The following SLIT1 variants were observed in gnomAD, a reference collection of about 807,000 sequenced individuals.
SLIT1 encodes slit homolog 1 protein.
A neutral mutation model predicts 186.1 loss-of-function variants in SLIT1; 66 were observed. That is an observed-to-expected ratio of 0.35 (90% confidence interval 0.29 to 0.44). SLIT1 has a LOEUF of 0.44. Ranked by LOEUF, SLIT1 falls within the 20% of genes least tolerant of loss-of-function variation. The probability of loss-of-function intolerance (pLI) is 1.00; values close to 1 mark genes in which losing one functional copy is unlikely to be tolerated. For synonymous variants in SLIT1, 761 were observed against 833.8 expected, an observed-to-expected ratio of 0.91 and a Z score of 1.50; for missense variants, 1,638 against 2,037.4, an observed-to-expected ratio of 0.80 and a Z score of 3.77.
intron 4 of SLIT1, among the ~76,000 whole-genome samples, chr10:97,149,478 C>T (rs1214916820): frequency 6.6e-6 from 1 of 152,160 alleles, no homozygotes; most frequent in African/African-American, 2.4e-5. Flanking sequence ...GGGGCAGAAG[C>T]AAAGAGGAGC....
At chr10:97,093,022 C>T (rs557535945) in intron 4 of SLIT1, among the ~76,000 whole-genome samples, 2 of 152,334 alleles carry the variant, frequency 1.3e-5, no homozygotes, top group East Asian at 3.9e-4. Flanking sequence ...ACAACCTGGA[C>T]CAGGTCTGCC....
chr10:97,159,971 G>A (rs1400245990), intron 3 of SLIT1, among the ~76,000 whole-genome samples: 1 of 152,162 alleles, frequency 6.6e-6, no homozygotes, highest in Non-Finnish European at 1.5e-5. Flanking sequence ...GTACCAAGAG[G>A]TAAGTGACTC....
At chr10:97,088,838 C>A (rs185696986) in intron 4 of SLIT1, among the ~76,000 whole-genome samples, 6 of 152,326 alleles carry the variant, frequency 3.9e-5, no homozygotes, top group Admixed American at 3.3e-4. Context: ...TCTGCCACAC[C>A]TTTTGGTGAC....
chr10:97,148,656 T>C (rs1849842798), intron 4 of SLIT1, among the ~76,000 whole-genome samples: 1 of 152,200 alleles, frequency 6.6e-6, no homozygotes, highest in African/African-American at 2.4e-5. Context: ...CTAAATCCCT[T>C]ATCTCCTATC....
At chr10:97,065,968 T>TGGCCCTGGAGC (rs1564666493) in intron 5 of SLIT1, 47 bp downstream of exon 5, 3 of 1,367,066 alleles carry the variant, frequency 2.2e-6, no homozygotes, top group Non-Finnish European at 3.1e-6. Flanking sequence ...CTGCCAGGAG[T>TGGCCCTGGAGC]GGCCCTGGAG....
chr10:97,143,035 A>C (rs897788739), intron 4 of SLIT1, among the ~76,000 whole-genome samples: 1 of 152,218 alleles, frequency 6.6e-6, no homozygotes, highest in Non-Finnish European at 1.5e-5. Flanking sequence ...TGATGGTGGG[A>C]ATGTGAAATG....
chr10:97,060,039 T>C, intron 10 of SLIT1, 48 bp downstream of exon 10: 1 of 1,504,272 alleles, frequency 6.6e-7, no homozygotes, highest in Non-Finnish European at 9.3e-7. Context: ...ACCCAGGATC[T>C]CCGTCAGCCC....
chr10:97,087,953 G>A (rs1296422626), intron 4 of SLIT1, among the ~76,000 whole-genome samples: 1 of 151,978 alleles, frequency 6.6e-6, no homozygotes, highest in Non-Finnish European at 1.5e-5. Context: ...ATGCAGAATC[G>A]CACCCAGCCC....
At chr10:97,062,688 C>A (rs1282304543) in intron 8 of SLIT1, among the ~76,000 whole-genome samples, 1 of 152,190 alleles carries the variant, frequency 6.6e-6, no homozygotes, top group African/African-American at 2.4e-5. Context: ...GGGGCAGAGG[C>A]AGGCCAGGCA....
chr10:97,078,938 G>A (rs989348698), intron 4 of SLIT1, among the ~76,000 whole-genome samples: 2 of 152,210 alleles, frequency 1.3e-5, no homozygotes, highest in Non-Finnish European at 2.9e-5. Context: ...TAGGACCAGC[G>A]ACTTCAGAAG....
chr10:97,141,988 A>C (rs573063331), intron 4 of SLIT1, among the ~76,000 whole-genome samples: 3 of 152,002 alleles, frequency 2.0e-5, no homozygotes, highest in Non-Finnish European at 4.4e-5. Context: ...TTATAGAGTA[A>C]GGGTCTCACT....
rs779691964 is a variant in SLIT1, at chr10:97,047,790, C to T, written c.1534G>A (p.Val512Ile). The change falls in exon 16 of 37, where the codon GTC becomes ATC. Residue 512 changes from valine (V) to isoleucine (I), a missense_variant. This residue lies in a region of SLIT1 where 1,245 missense variants were observed against 1,535.3 expected (regional missense o/e 0.81). Transcript: ENST00000266058. Reference protein sequence around the residue: ...QLNSECNSDVVCPHKCRCEAN... With the variant: ...QLNSECNSDVICPHKCRCEAN... Reference sequence around the variant, plus strand: ...TCACAGCGGCACTTGTGGGGACAGACCACGTCGCTGTTGCACTCGCTGTTC... The same window carrying T: ...TCACAGCGGCACTTGTGGGGACAGATCACGTCGCTGTTGCACTCGCTGTTC... 31 of 1,613,986 alleles carry T rather than the reference C, an allele frequency of 1.9e-5. No homozygotes were observed. The South Asian group carries it at 3.3e-4, about 17-fold the overall frequency.
chr10:97,167,678 C>T (rs1850138122), intron 1 of SLIT1, among the ~76,000 whole-genome samples: 1 of 152,168 alleles, frequency 6.6e-6, no homozygotes, highest in Non-Finnish European at 1.5e-5. Flanking sequence ...GCTGTGTACC[C>T]ACCTAAATCT....
chr10:97,050,013 G>A lies in SLIT1; in HGVS notation c.1302-895C>T, dbSNP rs902674648. 2.0e-5 allele frequency among the ~76,000 whole-genome samples: 3 copies of A among 152,198 alleles called. No individual in the cohort carries two copies. The East Asian group carries it at 5.8e-4, about 29-fold the overall frequency. ...TGCCCTGCTCATGGCTGTACAAACC[G>A]AGGCAGCCTGGGAAGAGCATTCCTA... On this transcript the variant is annotated intron_variant, in intron 13 of 36. Transcript: ENST00000266058.
chr10:97,017,327 TG>T (rs1195019861), intron 28 of SLIT1, among the ~76,000 whole-genome samples: 2 of 152,254 alleles, frequency 1.3e-5, no homozygotes, highest in Admixed American at 1.3e-4. Context: ...AATTTGGGTA[TG>T]CAGAGGCAGG....
rs1406012325 is a variant in SLIT1, at chr10:97,021,904, A to G, written c.2583-491T>C. Among the ~76,000 whole-genome samples the G allele has an allele frequency of 1.3e-5, 2 of 152,178 alleles. No individual in the cohort carries two copies. Among genetic ancestry groups the G allele is most frequent in the African/African-American group, 4.8e-5 (2 of 41,434 alleles). On this transcript the variant is annotated intron_variant, in intron 25 of 36. Coordinates refer to ENST00000266058, the MANE Select transcript of SLIT1 (RefSeq NM_003061.3). This position sits in a 1 kb window ranked among gnomAD's most constrained non-coding sequence, Gnocchi z 4.5. ...GCACTGCATATGCATTGTCTCACTT[A>G]GTCATCACCACACGCTACTATTCTC...
intron 1 of SLIT1, among the ~76,000 whole-genome samples, chr10:97,175,524 C>T (rs974485258): frequency 1.3e-5 from 2 of 152,164 alleles, no homozygotes; most frequent in African/African-American, 4.8e-5. Context: ...GCGTGCACAT[C>T]CTCGTCAACA....
intron 34 of SLIT1, 33 bp from the exon 35 acceptor site, chr10:97,003,025 G>C (rs773428294): frequency 6.3e-7 from 1 of 1,591,686 alleles, no homozygotes; most frequent in Non-Finnish European, 8.6e-7. Flanking sequence ...GCTGGGCTGA[G>C]TAAAGCTCGG....
intron 18 of SLIT1, among the ~76,000 whole-genome samples, chr10:97,044,739 CA>C (rs1450236015): frequency 6.6e-6 from 1 of 152,186 alleles, no homozygotes; most frequent in Non-Finnish European, 1.5e-5. Flanking sequence ...GCAAAATCCC[CA>C]AAATGACACT....
Sources: gnomAD v4.1 joint callset for allele counts (sites outside exome capture counted in the v4.1 genomes callset) on GRCh38, gnomAD v4.1.1 for gene constraint, gnomAD v4.1.1 regional missense constraint, Gnocchi (gnomAD v3.1) non-coding constraint, MANE v1.5 for transcripts, NCBI Gene and HGNC (gene_info 2026-07-23, HGNC 2026-07-21) for gene names.